The following RANBP17 variants were observed in gnomAD, a reference collection of about 807,000 sequenced individuals.
The protein encoded by RANBP17 is RAN binding protein 17, also known as ran-binding protein 17.
RANBP17 carries 158 observed loss-of-function variants against 141.2 expected under a neutral mutation model. That is an observed-to-expected ratio of 1.12 (90% confidence interval 0.98 to 1.28). RANBP17 has a LOEUF of 1.28. RANBP17 is among the 50% of genes most tolerant of loss of function. The probability of loss-of-function intolerance (pLI) is 0.00; values close to 1 mark genes in which losing one functional copy is unlikely to be tolerated. For synonymous variants in RANBP17, 430 were observed against 450.0 expected, an observed-to-expected ratio of 0.96 and a Z score of 0.56; for missense variants, 1,438 against 1,290.7, an observed-to-expected ratio of 1.11 and a Z score of -1.75.
intron 14 of RANBP17, chr5:171,029,039 A>T: frequency 1.2e-6 from 1 of 818,516 alleles, no homozygotes; most frequent in African/African-American, 1.8e-5. Context: ...CTGGTCAGGT[A>T]AGTCATACTC....
chr5:171,183,017 A>AG (rs1470591035), intron 16 of RANBP17, 150 bp from the exon 17 acceptor site: 1 of 550,252 alleles, frequency 1.8e-6, no homozygotes. Flanking sequence ...CATTCTTAAC[A>AG]GAAGGAAAGA....
intron 14 of RANBP17, among the ~76,000 whole-genome samples, chr5:171,113,160 C>T (rs549779884): frequency 6.6e-6 from 1 of 152,210 alleles, no homozygotes; most frequent in Non-Finnish European, 1.5e-5. Context: ...TATCACTAAA[C>T]AATCTCCTGC....
At chr5:171,150,547 C>A (rs894583553) in intron 14 of RANBP17, among the ~76,000 whole-genome samples, 1 of 151,760 alleles carries the variant, frequency 6.6e-6, no homozygotes, top group African/African-American at 2.4e-5. Flanking sequence ...TTTATAAATA[C>A]CTTTTTGCAC....
intron 14 of RANBP17, among the ~76,000 whole-genome samples, chr5:171,125,296 CAAAAAAAAAA>C (rs3083436): frequency 1.2e-5 from 1 of 85,970 alleles, no homozygotes; most frequent in Non-Finnish European, 2.2e-5. Flanking sequence ...GACTATGTAT[CAAAAAAAAAA>C]AAAAAAAAAG....
chr5:171,195,946 A>C (rs1177974164), intron 18 of RANBP17, among the ~76,000 whole-genome samples: 2 of 152,244 alleles, frequency 1.3e-5, no homozygotes, highest in African/African-American at 2.4e-5. Context: ...TGCCTGCGTA[A>C]GCACTCAAGG....
At chr5:171,016,055 CCT>C (rs1215564621) in intron 14 of RANBP17, among the ~76,000 whole-genome samples, 1 of 152,048 alleles carries the variant, frequency 6.6e-6, no homozygotes, top group Non-Finnish European at 1.5e-5. Context: ...GCTACTTTGA[CCT>C]CTGGATTTCG....
intron 25 of RANBP17, among the ~76,000 whole-genome samples, chr5:171,269,346 G>A (rs1025580538): frequency 2.0e-5 from 3 of 152,318 alleles, no homozygotes; most frequent in African/African-American, 7.2e-5. Context: ...AGAGTGCTGA[G>A]TGAAAAATCA....
chr5:171,132,943 TG>T (rs924319305), intron 14 of RANBP17, among the ~76,000 whole-genome samples: 25 of 152,124 alleles, frequency 1.6e-4, no homozygotes, highest in African/African-American at 6.0e-4. Context: ...TGGAGTGCAG[TG>T]GCGCGATCTC....
intron 12 of RANBP17, among the ~76,000 whole-genome samples, chr5:170,949,743 CAT>C (rs1313813335): frequency 1.3e-5 from 2 of 152,094 alleles, no homozygotes; most frequent in African/African-American, 4.8e-5. Context: ...GAAATGAAAA[CAT>C]ACATCCACAT....
chr5:171,070,562 A>G (rs754238906), intron 14 of RANBP17, among the ~76,000 whole-genome samples: 82 of 152,278 alleles, frequency 5.4e-4, no homozygotes, highest in Non-Finnish European at 4.7e-4. Flanking sequence ...ATAATTTCTG[A>G]CATAGATGGA....
At chr5:171,183,816 C>T (rs1311270259) in intron 18 of RANBP17, among the ~76,000 whole-genome samples, 2 of 151,972 alleles carry the variant, frequency 1.3e-5, no homozygotes, top group African/African-American at 4.8e-5. Context: ...TGTAACTGTC[C>T]AACAGTAGGG....
intron 18 of RANBP17, among the ~76,000 whole-genome samples, chr5:171,193,252 G>A (rs1347880822): frequency 6.6e-6 from 1 of 152,176 alleles, no homozygotes; most frequent in East Asian, 1.9e-4. Flanking sequence ...GCATCCTACA[G>A]AAATAAATTG....
chr5:171,271,613 A>G (rs2128027218), intron 25 of RANBP17: 1 of 208,912 alleles, frequency 4.8e-6, no homozygotes, highest in East Asian at 7.3e-5. Flanking sequence ...TATGCTCTTT[A>G]TGTAACCCAT....
chr5:171,154,757 C>A (rs1478801077), intron 14 of RANBP17, among the ~76,000 whole-genome samples: 1 of 152,028 alleles, frequency 6.6e-6, no homozygotes, highest in East Asian at 1.9e-4. Context: ...AGAAATCTAA[C>A]CACTATTTGA....
chr5:171,106,966 C>A (rs1369588500), intron 14 of RANBP17, among the ~76,000 whole-genome samples: 1 of 152,098 alleles, frequency 6.6e-6, no homozygotes, highest in Non-Finnish European at 1.5e-5. Context: ...CATACTTGGG[C>A]CCCATCCTAA....
At chr5:171,180,197 C>T (rs1402626412) in intron 16 of RANBP17, among the ~76,000 whole-genome samples, 1 of 152,136 alleles carries the variant, frequency 6.6e-6, no homozygotes, top group African/African-American at 2.4e-5. Context: ...TTTCCCTGTC[C>T]CTTCTGGGAC....
At chr5:171,005,492 A>G (rs1779532068) in intron 14 of RANBP17, among the ~76,000 whole-genome samples, 1 of 152,184 alleles carries the variant, frequency 6.6e-6, no homozygotes. Context: ...AAGAAATGGG[A>G]AAAGGATTCT....
At chr5:171,009,700 T>A (rs1257586110) in intron 14 of RANBP17, among the ~76,000 whole-genome samples, 2 of 152,158 alleles carry the variant, frequency 1.3e-5, no homozygotes, top group African/African-American at 4.8e-5. Context: ...AATGTAAATG[T>A]TTGTTGCTGT....
intron 14 of RANBP17, among the ~76,000 whole-genome samples, chr5:171,073,729 A>G (rs1402148855): frequency 6.6e-6 from 1 of 152,160 alleles, no homozygotes; most frequent in African/African-American, 2.4e-5. Context: ...CCATTTTTCA[A>G]TAAAAGGAAG....
Sources: gnomAD v4.1 joint callset for allele counts (sites outside exome capture counted in the v4.1 genomes callset) on GRCh38, gnomAD v4.1.1 for gene constraint, MANE v1.5 for transcripts, NCBI Gene and HGNC (gene_info 2026-07-23, HGNC 2026-07-21) for gene names.